Variants in AGMO observed in about 807,000 individuals in gnomAD.
AGMO encodes glyceryl-ether monooxygenase.
Under a neutral mutation model 60.2 loss-of-function variants are expected in AGMO, and 75 were observed. The observed-to-expected ratio is 1.25, with a 90% CI of 1.03 to 1.51. The LOEUF (loss-of-function observed/expected upper bound fraction) is 1.51, where lower values mean the gene tolerates loss of function less well. Among genes scored for constraint, AGMO ranks in the 40% most tolerant of loss-of-function variants. The pLI is 0.00. For missense variants in AGMO, 763 were observed against 525.5 expected (o/e 1.45, Z -4.42); for synonymous variants, 261 against 177.1 (o/e 1.47, Z -3.76).
chr7:15,482,644 A>G (rs1782791057), intron 3 of AGMO, among the ~76,000 whole-genome samples: 1 of 152,202 alleles, frequency 6.6e-6, no homozygotes, highest in South Asian at 2.1e-4. Context: ...CTCTGTGCTG[A>G]TACTAGCATT....
chr7:15,515,228 C>G (rs1783777852), intron 3 of AGMO, among the ~76,000 whole-genome samples: 1 of 152,248 alleles, frequency 6.6e-6, no homozygotes. Flanking sequence ...GGAAAACTCT[C>G]TAGTGAATTT....
At chr7:15,467,507 A>G (rs1782326069) in intron 3 of AGMO, among the ~76,000 whole-genome samples, 1 of 152,204 alleles carries the variant, frequency 6.6e-6, no homozygotes, top group Admixed American at 6.6e-5. Flanking sequence ...TCCTTTCCAC[A>G]AAACAAAATC....
At chr7:15,320,119 G>GC (rs1338488422) in intron 12 of AGMO, among the ~76,000 whole-genome samples, 1 of 137,012 alleles carries the variant, frequency 7.3e-6, no homozygotes, top group East Asian at 2.1e-4. Flanking sequence ...GTTGTGGGGT[G>GC]GGGGAGGGGG....
intron 12 of AGMO, among the ~76,000 whole-genome samples, chr7:15,322,484 AT>A (rs1781145577): frequency 1.1e-5 from 1 of 94,750 alleles, no homozygotes; most frequent in Admixed American, 1.7e-4. Flanking sequence ...AAATATATAT[AT>A]AAATATATAT....
intron 3 of AGMO, among the ~76,000 whole-genome samples, chr7:15,498,120 C>T (rs941401594): frequency 1.3e-5 from 2 of 151,954 alleles, no homozygotes; most frequent in African/African-American, 4.8e-5. Flanking sequence ...AATAAGGCTA[C>T]CTAAATGTCA....
At chr7:15,179,238 G>A in the AGMO span, among the ~76,000 whole-genome samples, 2 of 152,082 alleles carry the variant, frequency 1.3e-5, no homozygotes, top group Admixed American at 6.6e-5. Flanking sequence ...ACTTGCTATA[G>A]CATCAACCCC....
At chr7:15,256,691 G>A (rs1404395117) in intron 12 of AGMO, among the ~76,000 whole-genome samples, 1 of 152,126 alleles carries the variant, frequency 6.6e-6, no homozygotes, top group Non-Finnish European at 1.5e-5. Flanking sequence ...TCATCTACTG[G>A]TTTGTGTTAC....
intron 3 of AGMO, among the ~76,000 whole-genome samples, chr7:15,507,584 A>C (rs1273489538): frequency 6.6e-6 from 1 of 152,142 alleles, no homozygotes; most frequent in Non-Finnish European, 1.5e-5. Flanking sequence ...GTTTAAAATA[A>C]ATTTAACAAA....
intron 12 of AGMO, among the ~76,000 whole-genome samples, chr7:15,355,248 A>G (rs1261730689): frequency 6.6e-6 from 1 of 152,102 alleles, no homozygotes; most frequent in Non-Finnish European, 1.5e-5. Flanking sequence ...CACGTCTATA[A>G]TTCCAGCACT....
At chr7:15,354,468 G>A (rs61423878) in intron 12 of AGMO, among the ~76,000 whole-genome samples, 2,562 of 12,758 alleles carry the variant, frequency 0.2, 423 homozygotes, top group East Asian at 0.59. Flanking sequence ...ACACGTGTGT[G>A]TATACACACG....
At chr7:15,300,323 CAT>C (rs748001212) in intron 12 of AGMO, among the ~76,000 whole-genome samples, 5 of 152,106 alleles carry the variant, frequency 3.3e-5, no homozygotes, top group African/African-American at 4.8e-5. Flanking sequence ...CACCAACAAA[CAT>C]AGAGTCCAGA....
intron 12 of AGMO, among the ~76,000 whole-genome samples, chr7:15,364,514 C>T (rs1242019172): frequency 6.6e-6 from 1 of 151,924 alleles, no homozygotes; most frequent in African/African-American, 2.4e-5. Context: ...TTCAAATAGT[C>T]CTCCATTCAT....
At chr7:15,238,507 T>G (rs1237209239) in intron 12 of AGMO, among the ~76,000 whole-genome samples, 1 of 151,778 alleles carries the variant, frequency 6.6e-6, no homozygotes. Context: ...TACACAGGTA[T>G]CAAAATATCA....
chr7:15,150,664 G>A, the AGMO span, among the ~76,000 whole-genome samples: 927 of 152,194 alleles, frequency 6.1e-3, 6 homozygotes, highest in African/African-American at 0.021. Context: ...ACCTGATCAT[G>A]GTGAATTAGC....
At chr7:15,265,453 G>C (rs528596266) in intron 12 of AGMO, among the ~76,000 whole-genome samples, 1 of 151,504 alleles carries the variant, frequency 6.6e-6, no homozygotes, top group South Asian at 2.1e-4. Context: ...TATTAAAAAA[G>C]AAAAAAGAAC....
At chr7:15,227,439 A>G (rs1424521233) in intron 12 of AGMO, among the ~76,000 whole-genome samples, 3 of 151,800 alleles carry the variant, frequency 2.0e-5, no homozygotes, top group Middle Eastern at 3.4e-3. Context: ...CAACAATGAC[A>G]ACAACAACAA....
chr7:15,362,507 T>C (rs1583458488), intron 12 of AGMO, among the ~76,000 whole-genome samples: 1 of 152,224 alleles, frequency 6.6e-6, no homozygotes, highest in Non-Finnish European at 1.5e-5. Flanking sequence ...TTTCTTCCTA[T>C]GTTCTCTCCT....
At chr7:15,425,356 A>G (rs1164542329) in intron 4 of AGMO, among the ~76,000 whole-genome samples, 2 of 151,964 alleles carry the variant, frequency 1.3e-5, no homozygotes, top group Non-Finnish European at 2.9e-5. Flanking sequence ...CATATTCTCC[A>G]TATGATAATG....
Position 15,531,196 on chromosome 7 carries a change from ATATATATATTC to A in AGMO, c.409+13565_409+13575del, listed in dbSNP as rs1562556812. 5.3e-3 allele frequency among the ~76,000 whole-genome samples: 365 copies of A among 69,300 alleles called. 2 individuals are homozygous for A. The highest frequency in any genetic ancestry group is 8.1e-3 in the Non-Finnish European group (312 of 38,506). The allele number at this position is 69,300 out of a possible 152,430, so 45.5% of individuals were successfully genotyped here. ...ATTCTATATATTCTATATATATTCT[ATATATATATTC>A]TATATATTCTATATATATTCTATAT... On this transcript the variant is annotated intron_variant, in intron 3 of 12. Transcript: ENST00000342526.
Sources: gnomAD v4.1 joint callset for allele counts (sites outside exome capture counted in the v4.1 genomes callset) on GRCh38, gnomAD v4.1.1 for gene constraint, MANE v1.5 for transcripts, NCBI Gene and HGNC (gene_info 2026-07-23, HGNC 2026-07-21) for gene names.